The following KIAA1549L variants were observed in gnomAD, a reference collection of about 807,000 sequenced individuals.
The protein encoded by KIAA1549L is KIAA1549 like.
A neutral mutation model predicts 160.7 loss-of-function variants in KIAA1549L; 88 were observed. The ratio of observed to expected loss-of-function variants is 0.55; its 90% confidence interval spans 0.46 to 0.65. The LOEUF (loss-of-function observed/expected upper bound fraction) is 0.65. Among genes scored for constraint, KIAA1549L ranks in the 30% least tolerant of loss-of-function variants. The pLI, the probability that KIAA1549L is intolerant of heterozygous loss-of-function variation, is 0.00. For missense variants in KIAA1549L, 2,258 were observed against 2,437.5 expected (o/e 0.93, Z 1.55); for synonymous variants, 950 against 976.7 (o/e 0.97, Z 0.51).
At chr11:33,588,163 T>C (rs999934551) in intron 11 of KIAA1549L, among the ~76,000 whole-genome samples, 1 of 152,238 alleles carries the variant, frequency 6.6e-6, no homozygotes, top group Non-Finnish European at 1.5e-5. Flanking sequence ...AGTTGTATAC[T>C]GTCTTTAGTA....
chr11:33,380,856 A>C (rs2753413), intron 1 of KIAA1549L, among the ~76,000 whole-genome samples: 97,567 of 151,726 alleles, frequency 0.64, 31,702 homozygotes, highest in Middle Eastern at 0.73. Context: ...CGCTCCCCAA[A>C]CTCTTTGTAC....
intron 1 of KIAA1549L, among the ~76,000 whole-genome samples, chr11:33,497,240 G>A (rs929756432): frequency 1.3e-5 from 2 of 152,126 alleles, no homozygotes; most frequent in Non-Finnish European, 2.9e-5. Flanking sequence ...TTATTCTTGT[G>A]TCACCAGTAT....
chr11:33,588,405 GA>G (rs1849944408), intron 11 of KIAA1549L, among the ~76,000 whole-genome samples: 2 of 152,176 alleles, frequency 1.3e-5, no homozygotes, highest in Admixed American at 1.3e-4. Context: ...AGCATTTGGG[GA>G]GACATTCAAG....
intron 10 of KIAA1549L, among the ~76,000 whole-genome samples, chr11:33,575,117 A>G (rs1490391532): frequency 1.3e-5 from 2 of 152,228 alleles, no homozygotes; most frequent in Non-Finnish European, 2.9e-5. Context: ...CTTCCTCAGC[A>G]TAATCTAGTG....
At chr11:33,394,391 TAATA>T (rs34927211) in intron 1 of KIAA1549L, among the ~76,000 whole-genome samples, 13,707 of 103,124 alleles carry the variant, frequency 0.13, 1,106 homozygotes, top group African/African-American at 0.27. Flanking sequence ...AACTCATAAA[TAATA>T]AATAAATAAA....
chr11:33,484,923 A>G (rs145970491), intron 1 of KIAA1549L, among the ~76,000 whole-genome samples: 2 of 152,326 alleles, frequency 1.3e-5, no homozygotes, highest in African/African-American at 4.8e-5. Context: ...TGGTATTCTA[A>G]TCAAGACCAT....
At chr11:33,468,331 G>GT (rs1357404996) in intron 1 of KIAA1549L, among the ~76,000 whole-genome samples, 1 of 152,142 alleles carries the variant, frequency 6.6e-6, no homozygotes, top group Non-Finnish European at 1.5e-5. Context: ...AGCAGCTCCA[G>GT]TTATCTCTAA....
intron 1 of KIAA1549L, among the ~76,000 whole-genome samples, chr11:33,420,239 T>TTTTTTTTTTTTGTTTTGTTTTG (rs1850982170): frequency 8.2e-6 from 1 of 122,376 alleles, no homozygotes; most frequent in Non-Finnish European, 1.8e-5. Context: ...TTTTTTGTTT[T>TTTTTTTTTTTTGTTTTGTTTTG]TTTTTTTTTT....
chr11:33,649,122 C>T (rs999541086), intron 17 of KIAA1549L, among the ~76,000 whole-genome samples: 2 of 152,114 alleles, frequency 1.3e-5, no homozygotes, highest in Non-Finnish European at 2.9e-5. Context: ...CTTCAAATCC[C>T]ACGCTCTTTC....
intron 1 of KIAA1549L, among the ~76,000 whole-genome samples, chr11:33,460,256 A>G (rs1851915629): frequency 6.6e-6 from 1 of 152,116 alleles, no homozygotes; most frequent in Non-Finnish European, 1.5e-5. Context: ...TTGGCTTTTC[A>G]GTATTACCTC....
At chr11:33,495,397 A>G (rs1443473477) in intron 1 of KIAA1549L, among the ~76,000 whole-genome samples, 3 of 151,580 alleles carry the variant, frequency 2.0e-5, no homozygotes, top group Admixed American at 6.6e-5. Flanking sequence ...TGTTCTTGCA[A>G]TAGTTTACTG....
At chr11:33,426,695 G>T (rs1056387541) in intron 1 of KIAA1549L, among the ~76,000 whole-genome samples, 2 of 152,302 alleles carry the variant, frequency 1.3e-5, no homozygotes, top group South Asian at 4.2e-4. Context: ...GCAGGTAGGT[G>T]ATAGTTCCCT....
intron 1 of KIAA1549L, among the ~76,000 whole-genome samples, chr11:33,493,460 C>T (rs1852743728): frequency 6.6e-6 from 1 of 152,130 alleles, no homozygotes; most frequent in Non-Finnish European, 1.5e-5. Flanking sequence ...AGATGATGAG[C>T]TTGACTGCAC....
At chr11:33,580,011 G>A (rs1855581281) in intron 10 of KIAA1549L, among the ~76,000 whole-genome samples, 1 of 152,198 alleles carries the variant, frequency 6.6e-6, no homozygotes, top group African/African-American at 2.4e-5. Flanking sequence ...TCTGCATTCT[G>A]TGTGTTCCAG....
chr11:33,516,003 T>C (rs1374127624), intron 1 of KIAA1549L, among the ~76,000 whole-genome samples: 3 of 152,212 alleles, frequency 2.0e-5, no homozygotes, highest in Non-Finnish European at 4.4e-5. Context: ...TCCAAATTCA[T>C]GCTGCCATTC....
intron 15 of KIAA1549L, among the ~76,000 whole-genome samples, chr11:33,616,526 T>C (rs1850814047): frequency 6.6e-6 from 1 of 152,058 alleles, no homozygotes; most frequent in African/African-American, 2.4e-5. Context: ...CAAAGGAAGG[T>C]TATCACAGGT....
chr11:33,643,921 C>T (rs186959620), intron 16 of KIAA1549L, among the ~76,000 whole-genome samples: 1 of 152,308 alleles, frequency 6.6e-6, no homozygotes, highest in Admixed American at 6.5e-5. Context: ...TCAGGGAGCA[C>T]ATTTCCCACT....
intron 1 of KIAA1549L, among the ~76,000 whole-genome samples, chr11:33,413,720 G>C (rs1016891100): frequency 5.3e-5 from 8 of 152,026 alleles, no homozygotes; most frequent in African/African-American, 1.9e-4. Flanking sequence ...ATTGTTTTAG[G>C]CATGGAGGAA....
chr11:33,629,282 C>T (rs1590414395), intron 16 of KIAA1549L, among the ~76,000 whole-genome samples: 2 of 152,004 alleles, frequency 1.3e-5, no homozygotes, highest in Non-Finnish European at 2.9e-5. Flanking sequence ...TTGCTCTTCT[C>T]GAGGAGTATC....
Sources: allele counts gnomAD v4.1 joint callset (sites outside exome capture counted in the v4.1 genomes callset), GRCh38; gene constraint gnomAD v4.1.1; transcripts MANE v1.5; gene names NCBI Gene and HGNC (gene_info 2026-07-23, HGNC 2026-07-21).